Variants in TPTE2 observed in about 807,000 individuals in gnomAD.
The protein encoded by TPTE2 is transmembrane phosphoinositide 3-phosphatase and tensin homolog 2.
Under a neutral mutation model 78.6 loss-of-function variants are expected in TPTE2, and 53 were observed. The observed-to-expected ratio is 0.67, with a 90% CI of 0.54 to 0.85. The LOEUF (loss-of-function observed/expected upper bound fraction) is 0.85, where lower values mean the gene tolerates loss of function less well. Ranked by LOEUF, TPTE2 falls within the 40% of genes least tolerant of loss-of-function variation. The pLI is 0.00. For synonymous variants in TPTE2, 175 were observed against 206.2 expected (o/e 0.85, Z 1.30); for missense variants, 461 against 623.0 (o/e 0.74, Z 2.77).
chr13:19,512,305 G>A (rs1236604698), intron 1 of TPTE2, among the ~76,000 whole-genome samples: 1 of 152,170 alleles, frequency 6.6e-6, no homozygotes, highest in Non-Finnish European at 1.5e-5. Context: ...TGAGATTTTA[G>A]AGTGAATAGA....
At chr13:19,481,435 T>G (rs974797658) in intron 4 of TPTE2, among the ~76,000 whole-genome samples, 14 of 152,214 alleles carry the variant, frequency 9.2e-5, no homozygotes, top group African/African-American at 3.4e-4. Context: ...GAATATATGA[T>G]GTCAAAGCCA....
rs140853512 is a variant in TPTE2 at position 19,428,203 on chromosome 13, C to G, written c.1303-1686G>C. ...GTGGCTCAAGCCTGTAATCCCAGCA[C>G]TTTGGGAGGTTGAGGTGGGCAGATC... is the stretch of plus-strand genomic sequence containing the variant. On this transcript the variant is annotated intron_variant, in intron 17 of 19. Transcript: ENST00000400230. 2.8e-4 allele frequency among the ~76,000 whole-genome samples: 42 copies of G among 152,244 alleles called. No individual in the cohort carries two copies. The East Asian group carries it at 7.9e-3, about 29-fold the overall frequency.
upstream of TPTE2, among the ~76,000 whole-genome samples, chr13:19,507,528 G>C (rs1272883261): frequency 2.0e-5 from 3 of 152,156 alleles, no homozygotes; most frequent in South Asian, 2.1e-4. Context: ...TTACAAACCA[G>C]AGAGATTGTC....
chr13:19,486,066 T>C lies in TPTE2; in HGVS notation c.120-3519A>G, dbSNP rs576382905. ...TTATTATTTCCCTTTGTAGATGACATGTTTTCTTGCATTTTCACGGTTGCT... is the reference window on the plus strand; with the variant it reads ...TTATTATTTCCCTTTGTAGATGACACGTTTTCTTGCATTTTCACGGTTGCT... On this transcript the variant is annotated intron_variant, in intron 3 of 19. Coordinates refer to ENST00000400230, the Ensembl canonical transcript of TPTE2. This position sits in a 1 kb window ranked among gnomAD's most constrained non-coding sequence, Gnocchi z 4.3. 2.9e-4 allele frequency among the ~76,000 whole-genome samples: 44 copies of C among 152,306 alleles called. No homozygotes were observed. The highest frequency in any genetic ancestry group is 1.0e-3 in the African/African-American group (43 of 41,562).
chr13:19,450,043 G>C lies in TPTE2; in HGVS notation c.973+33C>G, dbSNP rs1453652920. On this transcript the variant is annotated intron_variant, in intron 13 of 19. Coordinates refer to ENST00000400230, the Ensembl canonical transcript of TPTE2. ...CTTTATCTATATTTACATGTCTTTA[G>C]AAAGGGAAAAATGAAAAGGAAAATG... 2.5e-6 allele frequency: 4 copies of C among 1,607,434 alleles called. No individual in the cohort carries two copies. The African/African-American group carries it at 5.4e-5, about 22-fold the overall frequency.
At chr13:19,539,669 C>T (rs1262354622), upstream of TPTE2, among the ~76,000 whole-genome samples, 6 of 152,056 alleles carry the variant, frequency 3.9e-5, no homozygotes, top group African/African-American at 1.4e-4. Context: ...TCTGTTCCAC[C>T]AGTCCATTTA....
chr13:19,445,776 T>C (rs146016374), intron 13 of TPTE2, among the ~76,000 whole-genome samples: 1,637 of 152,240 alleles, frequency 0.011, 27 homozygotes, highest in African/African-American at 0.037. Context: ...ACCCCATCTC[T>C]ACTAAAAATA....
At chr13:19,464,587 T>C in intron 9 of TPTE2, 67 bp from the exon 13 acceptor site, 1 of 1,536,542 alleles carries the variant, frequency 6.5e-7, no homozygotes, top group Non-Finnish European at 8.8e-7. Context: ...AAAAAATTAA[T>C]TTATACATGA....
intron 13 of TPTE2, among the ~76,000 whole-genome samples, chr13:19,442,605 AC>A (rs1469189109): frequency 1.3e-5 from 2 of 152,030 alleles, no homozygotes; most frequent in Non-Finnish European, 2.9e-5. Flanking sequence ...AATAGAGACC[AC>A]CAATAAGGCC....
At chr13:19,434,655 C>G (rs1371844460) in intron 15 of TPTE2, among the ~76,000 whole-genome samples, 1 of 152,058 alleles carries the variant, frequency 6.6e-6, no homozygotes, top group Admixed American at 6.6e-5. Context: ...AGGGTGAGTT[C>G]TTCTGGCCCA....
At chr13:19,504,995 C>A (rs1868904464), upstream of TPTE2, among the ~76,000 whole-genome samples, 2 of 152,098 alleles carry the variant, frequency 1.3e-5, no homozygotes, top group African/African-American at 4.8e-5. Flanking sequence ...GATGTCAATT[C>A]TGTATGCAGG....
chr13:19,448,575 T>C (rs1163470297), intron 13 of TPTE2, among the ~76,000 whole-genome samples: 1 of 152,140 alleles, frequency 6.6e-6, no homozygotes. Flanking sequence ...CTGCTAAACA[T>C]CATTAATCAT....
the TPTE2 span, chr13:19,560,568 G>T: frequency 3.8e-6 from 6 of 1,599,224 alleles, no homozygotes; most frequent in Non-Finnish European, 5.1e-6. Context: ...CCCAGCTGAT[G>T]GTGACCACGA....
intron 1 of TPTE2, among the ~76,000 whole-genome samples, chr13:19,513,068 A>G (rs1287117541): frequency 6.6e-6 from 1 of 152,122 alleles, no homozygotes; most frequent in East Asian, 1.9e-4. Flanking sequence ...TTCAAACTAT[A>G]AAAAAAATTT....
intron 13 of TPTE2, among the ~76,000 whole-genome samples, chr13:19,443,977 G>A (rs576604681): frequency 6.6e-6 from 1 of 151,948 alleles, no homozygotes; most frequent in Non-Finnish European, 1.5e-5. Context: ...AAATCCAAAA[G>A]AATCTATAGA....
Position 19,442,920 on chromosome 13 carries a change from A to T in TPTE2, c.974-4767T>A, listed in dbSNP as rs1877586299. ...AATTTAAAGACTTCTCTCCAGAGAA[A>T]ACTCTAGGCCAATGTGCCTTCACTG... On this transcript the variant is annotated intron_variant, in intron 13 of 19. Transcript: ENST00000400230. 3.9e-5 allele frequency among the ~76,000 whole-genome samples: 6 copies of T among 152,148 alleles called. No homozygotes were observed. The South Asian group carries it at 1.2e-3, about 31-fold the overall frequency.
intron 17 of TPTE2, among the ~76,000 whole-genome samples, chr13:19,427,139 A>G (rs1404105961): frequency 8.0e-6 from 1 of 125,614 alleles, no homozygotes; most frequent in Admixed American, 9.8e-5. Flanking sequence ...GCTGGAGTAC[A>G]GTGGCATGAT....
intron 1 of TPTE2, among the ~76,000 whole-genome samples, chr13:19,529,676 G>C (rs565189721): frequency 6.6e-6 from 1 of 152,264 alleles, no homozygotes; most frequent in South Asian, 2.1e-4. Flanking sequence ...TTAGGGATTA[G>C]AGATGTACTC....
upstream of TPTE2, among the ~76,000 whole-genome samples, chr13:19,537,612 T>G (rs1487176758): frequency 4.6e-5 from 7 of 150,810 alleles, no homozygotes; most frequent in Non-Finnish European, 8.9e-5. Context: ...TGTTTTTTGT[T>G]TTTTTTTTGA....
Sources: gnomAD v4.1 joint callset for allele counts (sites outside exome capture counted in the v4.1 genomes callset) on GRCh38, gnomAD v4.1.1 for gene constraint, Gnocchi (gnomAD v3.1) non-coding constraint, MANE v1.5 for transcripts, NCBI Gene and HGNC (gene_info 2026-07-23, HGNC 2026-07-21) for gene names.